The following VPS13B variants were observed in gnomAD, a reference collection of about 807,000 sequenced individuals.
VPS13B encodes the protein intermembrane lipid transfer protein VPS13B.
Under a neutral mutation model 426.4 loss-of-function variants are expected in VPS13B, and 285 were observed. The ratio of observed to expected loss-of-function variants is 0.67; its 90% CI spans 0.61 to 0.74. The LOEUF (loss-of-function observed/expected upper bound fraction) is 0.74, where lower values mean the gene tolerates loss of function less well. Ranked by LOEUF, VPS13B falls within the 30% of genes least tolerant of loss-of-function variation. The probability of loss-of-function intolerance (pLI) is 0.00; values close to 1 mark genes in which losing one functional copy is unlikely to be tolerated. For missense variants in VPS13B, 4,537 were observed against 4,782.6 expected (o/e 0.95, Z 1.51); for synonymous variants, 1,676 against 1,676.4 (o/e 1.00, Z 0.01).
chr8:99,716,706 T>C (rs1199466023), intron 36 of VPS13B, among the ~76,000 whole-genome samples: 2 of 152,156 alleles, frequency 1.3e-5, no homozygotes, highest in Admixed American at 1.3e-4. Context: ...AAACACACGT[T>C]ATATATTTTG....
rs541651115 is a variant in VPS13B at position 99,283,477 on chromosome 8, G to A, written c.2824+8223G>A. Among the ~76,000 whole-genome samples, 8 of 152,238 alleles carry A rather than the reference G, an allele frequency of 5.3e-5. No homozygotes were observed. The East Asian group carries it at 7.7e-4, about 15-fold the overall frequency. On this transcript the variant is annotated intron_variant, in intron 19 of 61. Coordinates refer to ENST00000357162, the MANE Select transcript of VPS13B (RefSeq NM_152564.5). ...TCATGCTCCTAGCATTTTTGTTCAC[G>A]GGAATTAGGGGCAAAATGTAACTAC... is the stretch of plus-strand genomic sequence containing the variant.
At chr8:99,286,046 C>T (rs1242157655) in intron 19 of VPS13B, among the ~76,000 whole-genome samples, 2 of 152,094 alleles carry the variant, frequency 1.3e-5, no homozygotes, top group East Asian at 3.9e-4. Context: ...CCCTCCCTTC[C>T]CAATTAATTA....
At chr8:99,057,630 T>C (rs531781465) in intron 3 of VPS13B, among the ~76,000 whole-genome samples, 1 of 152,172 alleles carries the variant, frequency 6.6e-6, no homozygotes, top group Non-Finnish European at 1.5e-5. Context: ...GTCTTTTTTT[T>C]CCTGAACTCC....
chr8:99,856,627 G>A (rs1194437004), intron 56 of VPS13B, among the ~76,000 whole-genome samples: 1 of 152,198 alleles, frequency 6.6e-6, no homozygotes, highest in East Asian at 1.9e-4. Flanking sequence ...AATTGCCTGT[G>A]CTCAGGAGTT....
intron 23 of VPS13B, among the ~76,000 whole-genome samples, chr8:99,463,667 T>A (rs1191475682): frequency 6.6e-6 from 1 of 152,172 alleles, no homozygotes; most frequent in Non-Finnish European, 1.5e-5. Context: ...TCACTTAGAA[T>A]TAATAAACAC....
intron 15 of VPS13B, among the ~76,000 whole-genome samples, chr8:99,168,145 C>T (rs1207775777): frequency 6.6e-6 from 1 of 151,994 alleles, no homozygotes; most frequent in East Asian, 1.9e-4. Context: ...AATAATTTGG[C>T]AATATTTAGA....
At position 99,352,539 on chromosome 8, in the gene VPS13B, A is replaced by G. The variant is rs1181507565; in HGVS notation, c.2825-31669A>G. 2.6e-5 allele frequency among the ~76,000 whole-genome samples: 4 copies of G among 152,210 alleles called. No homozygotes were observed. The East Asian group carries it at 7.7e-4, about 29-fold the overall frequency. ...AAACTTGAGCTTTGACTAACAAGTA[A>G]AAGAAAATACCTGGCTGGGCGCAGT... On this transcript the variant is annotated intron_variant, in intron 19 of 61. Transcript: ENST00000357162.
chr8:99,570,200 C>T (rs1825402512), intron 31 of VPS13B, among the ~76,000 whole-genome samples: 1 of 152,150 alleles, frequency 6.6e-6, no homozygotes, highest in African/African-American at 2.4e-5. Context: ...TGAACCAGGA[C>T]ACACTGTGCT....
intron 25 of VPS13B, among the ~76,000 whole-genome samples, chr8:99,487,439 TGTG>T (rs530577395): frequency 9.2e-4 from 140 of 152,286 alleles, no homozygotes; most frequent in South Asian, 1.7e-3. Context: ...TTTTTTAAAT[TGTG>T]GTAAAAAAAT....
intron 22 of VPS13B, among the ~76,000 whole-genome samples, chr8:99,439,189 A>G (rs1817555292): frequency 6.6e-6 from 1 of 152,184 alleles, no homozygotes; most frequent in Non-Finnish European, 1.5e-5. Context: ...TATTTTCATT[A>G]CCATATCTGA....
At chr8:99,033,453 A>G (rs993968511) in intron 2 of VPS13B, among the ~76,000 whole-genome samples, 3 of 152,198 alleles carry the variant, frequency 2.0e-5, no homozygotes, top group South Asian at 2.1e-4. Flanking sequence ...TCTTTTGCCA[A>G]TTCAAATCTG....
At chr8:99,515,399 CT>C (rs1385855361) in intron 29 of VPS13B, among the ~76,000 whole-genome samples, 67 of 150,378 alleles carry the variant, frequency 4.5e-4, no homozygotes, top group African/African-American at 1.5e-3. Flanking sequence ...GCTGCTTCTG[CT>C]TCCTCCTCCT....
intron 39 of VPS13B, among the ~76,000 whole-genome samples, chr8:99,744,990 A>C (rs538539424): frequency 6.6e-6 from 1 of 152,006 alleles, no homozygotes; most frequent in Admixed American, 6.6e-5. Flanking sequence ...AGAACCTATC[A>C]GTTTTTTCAA....
chr8:99,025,967 G>A (rs1365073141), intron 2 of VPS13B, among the ~76,000 whole-genome samples: 1 of 151,876 alleles, frequency 6.6e-6, no homozygotes, highest in Non-Finnish European at 1.5e-5. Flanking sequence ...TTTTCATTTT[G>A]TTGATCCTTT....
intron 8 of VPS13B, among the ~76,000 whole-genome samples, chr8:99,128,349 T>G (rs1303580733): frequency 1.7e-5 from 2 of 114,878 alleles, no homozygotes; most frequent in Non-Finnish European, 3.2e-5. Context: ...ATCGTGCCAT[T>G]GCACTCCAGC....
intron 33 of VPS13B, among the ~76,000 whole-genome samples, chr8:99,612,958 T>C (rs901216891): frequency 2.0e-5 from 3 of 152,212 alleles, no homozygotes; most frequent in African/African-American, 7.2e-5. Flanking sequence ...TGTCATCTTA[T>C]CTAGCCTTCA....
At chr8:99,805,823 C>T (rs536240023) in intron 43 of VPS13B, among the ~76,000 whole-genome samples, 2 of 152,106 alleles carry the variant, frequency 1.3e-5, no homozygotes, top group Non-Finnish European at 2.9e-5. Flanking sequence ...CTTTTCCCCC[C>T]ACCGTGGAAA....
intron 30 of VPS13B, among the ~76,000 whole-genome samples, chr8:99,523,179 G>A (rs1262959944): frequency 2.0e-5 from 3 of 152,158 alleles, no homozygotes; most frequent in Non-Finnish European, 4.4e-5. Context: ...TGCGGCTTGG[G>A]TGCCAGCTCA....
At chr8:99,350,420 G>T (rs960474137) in intron 19 of VPS13B, among the ~76,000 whole-genome samples, 1 of 152,168 alleles carries the variant, frequency 6.6e-6, no homozygotes, top group Non-Finnish European at 1.5e-5. Context: ...ATGAGTAAAT[G>T]TATGCATGAG....
Sources: allele counts gnomAD v4.1 joint callset (sites outside exome capture counted in the v4.1 genomes callset), GRCh38; gene constraint gnomAD v4.1.1; transcripts MANE v1.5; gene names NCBI Gene and HGNC (gene_info 2026-07-23, HGNC 2026-07-21).